Variants in CIAO2A observed in about 807,000 individuals in gnomAD.
CIAO2A encodes MIP18 family protein FAM96A.
Under a neutral mutation model 22.4 loss-of-function variants are expected in CIAO2A, and 17 were observed. The observed-to-expected ratio is 0.76, with a 90% confidence interval of 0.52 to 1.14. The LOEUF (loss-of-function observed/expected upper bound fraction) is 1.14, where lower values mean the gene tolerates loss of function less well. Ranked by LOEUF, CIAO2A falls within the 50% of genes most tolerant of loss-of-function variation. The pLI is 0.00. For synonymous variants in CIAO2A, 74 were observed against 72.3 expected, an observed-to-expected ratio of 1.02 and a Z score of -0.12; for missense variants, 192 against 191.4, an observed-to-expected ratio of 1.00 and a Z score of -0.02.
intron 2 of CIAO2A, among the ~76,000 whole-genome samples, chr15:64,082,894 A>G (rs2080767551): frequency 6.6e-6 from 1 of 152,128 alleles, no homozygotes; most frequent in African/African-American, 2.4e-5. Context: ...CAGTTTCCTT[A>G]TCTGCAAAAC....
At chr15:64,079,844 T>C (rs776420413) in intron 3 of CIAO2A, among the ~76,000 whole-genome samples, 3 of 152,300 alleles carry the variant, frequency 2.0e-5, no homozygotes, top group African/African-American at 7.2e-5. Context: ...ACTTTTGTAC[T>C]GTAAAGGACA....
intron 2 of CIAO2A, among the ~76,000 whole-genome samples, chr15:64,084,691 C>A (rs2080780307): frequency 6.6e-6 from 1 of 152,050 alleles, no homozygotes; most frequent in Non-Finnish European, 1.5e-5. Context: ...ATCGCTTGAA[C>A]CTGGGAGGTG....
At chr15:64,073,769 C>T (rs993729257) in intron 4 of CIAO2A, 6 of 152,070 alleles carry the variant, frequency 3.9e-5, no homozygotes, top group Non-Finnish European at 8.8e-5. Flanking sequence ...CAAATATTTT[C>T]GTAGAGACAG....
rs751720680 is a variant in CIAO2A at position 64,093,700 on chromosome 15, C to G, written c.69G>C (p.Glu23Asp). 6.2e-7 allele frequency: 1 copy of G among 1,614,072 alleles called. No individual in the cohort carries two copies. The highest frequency in any genetic ancestry group is 8.5e-7 in the Non-Finnish European group (1 of 1,179,972). ...TCCGGGGCTGCCGGGCAGCTCCCGG[C>G]TCAGAGAGGCCGGAGAGCCACAGGA... ...SRVLWLSGLS[E>D]PGAARQPRIM... Residue 23 changes from glutamate (E) to aspartate (D), a missense_variant, in exon 1 of 5, where the codon GAG becomes GAC. Physicochemically the swap from Glu to Asp is conservative, Grantham distance 45 (BLOSUM62 2). Transcript: ENST00000300030.
chr15:64,078,310 G>T (rs1334183752), intron 3 of CIAO2A, among the ~76,000 whole-genome samples: 1 of 152,190 alleles, frequency 6.6e-6, no homozygotes, highest in Non-Finnish European at 1.5e-5. Context: ...ACACAGAGAT[G>T]TATCATATAT....
intron 3 of CIAO2A, among the ~76,000 whole-genome samples, chr15:64,079,074 C>CA (rs901702656): frequency 9.5e-5 from 14 of 146,620 alleles, no homozygotes; most frequent in African/African-American, 3.5e-4. Flanking sequence ...CACGGCAATT[C>CA]AAAAAAAGAA....
intron 4 of CIAO2A, chr15:64,074,868 A>G (rs2080705020): frequency 6.6e-6 from 1 of 152,186 alleles, no homozygotes; most frequent in African/African-American, 2.4e-5. Flanking sequence ...ATGAAACTTA[A>G]GTACAACATG....
At chr15:64,092,271 G>A (rs1315289070) in intron 1 of CIAO2A, among the ~76,000 whole-genome samples, 1 of 151,960 alleles carries the variant, frequency 6.6e-6, no homozygotes, top group African/African-American at 2.4e-5. Context: ...CCATCTATCT[G>A]TCATTTCCTA....
At chr15:64,075,804 C>T (rs1309746043) in intron 3 of CIAO2A, among the ~76,000 whole-genome samples, 2 of 151,932 alleles carry the variant, frequency 1.3e-5, no homozygotes, top group African/African-American at 2.4e-5. Flanking sequence ...CAGACGCCAC[C>T]ACACCCAGCT....
intron 1 of CIAO2A, 107 bp downstream of exon 1, chr15:64,093,534 CAAAA>C: frequency 4.8e-6 from 6 of 1,242,936 alleles, no homozygotes; most frequent in South Asian, 1.7e-5. Flanking sequence ...AACAAACAAA[CAAAA>C]AAAAAGGTCT....
intron 3 of CIAO2A, among the ~76,000 whole-genome samples, chr15:64,079,815 G>A (rs977751881): frequency 1.3e-5 from 2 of 152,098 alleles, no homozygotes; most frequent in Admixed American, 6.6e-5. Flanking sequence ...AAACAAATTA[G>A]ACTTTATGAA....
intron 4 of CIAO2A, among the ~76,000 whole-genome samples, chr15:64,073,323 C>G (rs1473006723): frequency 1.3e-5 from 2 of 151,924 alleles, no homozygotes. Flanking sequence ...GCTATTTTTT[C>G]CCCCATAAGC....
At chr15:64,087,084 CTTTTTTT>C (rs766247330) in intron 2 of CIAO2A, among the ~76,000 whole-genome samples, 5 of 76,078 alleles carry the variant, frequency 6.6e-5, no homozygotes, top group South Asian at 5.0e-4. Flanking sequence ...GCTAATTTTG[CTTTTTTT>C]TTTTTTTTTT....
At chr15:64,078,443 T>C (rs1242113680) in intron 3 of CIAO2A, among the ~76,000 whole-genome samples, 1 of 152,030 alleles carries the variant, frequency 6.6e-6, no homozygotes, top group Non-Finnish European at 1.5e-5. Flanking sequence ...AAGACCAAAC[T>C]GGCCAACATG....
chr15:64,074,838 C>T (rs1432351539), intron 4 of CIAO2A: 1 of 152,126 alleles, frequency 6.6e-6, no homozygotes, highest in Non-Finnish European at 1.5e-5. Flanking sequence ...TTTTTTCCCA[C>T]CTTCTCAATT....
At chr15:64,074,129 A>G (rs2080697411) in intron 4 of CIAO2A, among the ~76,000 whole-genome samples, 1 of 152,162 alleles carries the variant, frequency 6.6e-6, no homozygotes, top group Non-Finnish European at 1.5e-5. Context: ...ATCTTCATAT[A>G]ATAAAGGTAT....
In CIAO2A at chr15:64,075,582, C is replaced by T. The variant is rs550103936; in HGVS notation, c.340-45G>A. The T allele has an allele frequency of 6.9e-5, 84 of 1,221,834 alleles. No homozygotes were observed. The South Asian group carries it at 1.0e-3, about 15-fold the overall frequency. 75.7% of individuals were successfully genotyped at this position (1,221,834 alleles called of 1,614,324 possible). ...GTAAAAGAAAAAACATTAATGCATT[C>T]TAAGATAAGAGAGTGAAGTGGAATG... On this transcript the variant is annotated intron_variant, in intron 3 of 4. Coordinates refer to ENST00000300030, the MANE Select transcript of CIAO2A (RefSeq NM_032231.7).
chr15:64,072,952 C>A lies in CIAO2A; in HGVS notation c.462G>T (p.Gln154His). Residue 154 changes from glutamine to histidine, a missense_variant, in exon 5 of 5, where the codon CAG (glutamine) becomes CAT (histidine). Physicochemically the swap from Gln to His is conservative, Grantham distance 24. Coordinates refer to ENST00000300030, the MANE Select transcript of CIAO2A (RefSeq NM_032231.7). ...GCTATCAGTCAGGTTCAAGGACACACTGTTCCACAATTTCCCGTAAGTTGG... is the reference window on the plus strand; with the variant it reads ...GCTATCAGTCAGGTTCAAGGACACAATGTTCCACAATTTCCCGTAAGTTGG... ...ENPNLREIVE[Q>H]CVLEPD 1.2e-6 allele frequency: 2 copies of A among 1,613,384 alleles called. No homozygotes were observed. Among genetic ancestry groups the A allele is most frequent in the Non-Finnish European group, 1.7e-6 (2 of 1,179,422 alleles).
At position 64,075,544 on chromosome 15, in the gene CIAO2A, A is replaced by T; in HGVS notation, c.340-7T>A. 1 of 1,567,876 alleles carries T rather than the reference A, an allele frequency of 6.4e-7. No homozygotes were observed. Among genetic ancestry groups the T allele is most frequent in the Non-Finnish European group, 8.7e-7 (1 of 1,147,736 alleles). ...CAGAAATGTAGATTTCCAACTGGAA[A>T]GTGGGAAAAAAAGTAAAAGAAAAAA... is the stretch of plus-strand genomic sequence containing the variant. On this transcript the variant is annotated splice_region_variant and splice_polypyrimidine_tract_variant and intron_variant, in intron 3 of 4. Transcript: ENST00000300030.
Sources: gnomAD v4.1 joint callset for allele counts (sites outside exome capture counted in the v4.1 genomes callset) on GRCh38, gnomAD v4.1.1 for gene constraint, MANE v1.5 for transcripts, NCBI Gene and HGNC (gene_info 2026-07-23, HGNC 2026-07-21) for gene names.